Variants in TEK observed in about 807,000 individuals in gnomAD.
TEK encodes the protein angiopoietin-1 receptor.
In TEK, 43 loss-of-function variants were observed where a neutral mutation model predicts 131.8. The ratio of observed to expected loss-of-function variants is 0.33; its 90% CI spans 0.26 to 0.42. TEK has a LOEUF of 0.42. TEK is among the 10% of genes least tolerant of loss of function. TEK has a pLI of 1.00. For synonymous variants in TEK, 580 were observed against 491.6 expected (o/e 1.18, Z -2.38); for missense variants, 1,162 against 1,384.4 (o/e 0.84, Z 2.55).
At chr9:27,120,994 T>C (rs1195947241) in intron 1 of TEK, among the ~76,000 whole-genome samples, 1 of 152,234 alleles carries the variant, frequency 6.6e-6, no homozygotes, top group African/African-American at 2.4e-5. Flanking sequence ...AGTACCTGAC[T>C]TGATGTACTA....
intron 1 of TEK, among the ~76,000 whole-genome samples, chr9:27,123,043 A>C (rs1365437434): frequency 9.3e-6 from 1 of 107,704 alleles, no homozygotes; most frequent in Non-Finnish European, 1.7e-5. Flanking sequence ...ACAGAGCGAG[A>C]CTCTGTCTCA....
intron 1 of TEK, among the ~76,000 whole-genome samples, chr9:27,155,603 T>A (rs2131114964): frequency 6.6e-6 from 1 of 152,358 alleles, no homozygotes; most frequent in South Asian, 2.1e-4. Context: ...ATATGAGGAC[T>A]TTATATCAGG....
At chr9:27,167,107 G>C (rs907323971) in intron 2 of TEK, among the ~76,000 whole-genome samples, 1 of 152,186 alleles carries the variant, frequency 6.6e-6, no homozygotes, top group East Asian at 1.9e-4. Flanking sequence ...AGAAACTCTT[G>C]TTGCTGGAAG....
chr9:27,122,316 G>GTT (rs1821823931), intron 1 of TEK, among the ~76,000 whole-genome samples: 1 of 152,134 alleles, frequency 6.6e-6, no homozygotes, highest in Non-Finnish European at 1.5e-5. Context: ...AGAAAACAGG[G>GTT]ATCTCACCAG....
intron 1 of TEK, among the ~76,000 whole-genome samples, chr9:27,157,475 A>G (rs1336209588): frequency 1.3e-5 from 2 of 152,218 alleles, no homozygotes; most frequent in African/African-American, 4.8e-5. Context: ...TTGATAACTA[A>G]TAGTTAAATG....
chr9:27,206,579 C>T lies in TEK; in HGVS notation c.2365-3C>T. The T allele has an allele frequency of 6.2e-7, 1 of 1,613,006 alleles. No individual in the cohort carries two copies. The highest frequency in any genetic ancestry group is 1.1e-5 in the South Asian group (1 of 90,856). ...CAAAATGATGAAATAATTATTTTTCCAGAGGGAAGAACCAGCTGTGCAGTT... is the reference window on the plus strand; with the variant it reads ...CAAAATGATGAAATAATTATTTTTCTAGAGGGAAGAACCAGCTGTGCAGTT... On this transcript the variant is annotated splice_polypyrimidine_tract_variant and splice_region_variant and intron_variant, in intron 14 of 22. Transcript: ENST00000380036.
At chr9:27,193,335 T>C (rs1470122821) in intron 11 of TEK, among the ~76,000 whole-genome samples, 1 of 152,164 alleles carries the variant, frequency 6.6e-6, no homozygotes, top group African/African-American at 2.4e-5. Context: ...TCGGATTCAA[T>C]GGTTTTGAGG....
chr9:27,117,299 C>A (rs1821610586), intron 1 of TEK, among the ~76,000 whole-genome samples: 1 of 152,210 alleles, frequency 6.6e-6, no homozygotes, highest in African/African-American at 2.4e-5. Flanking sequence ...CAAACCAGAG[C>A]TGGAAGAGAG....
At chr9:27,200,422 G>A (rs1219240876) in intron 12 of TEK, among the ~76,000 whole-genome samples, 2 of 152,098 alleles carry the variant, frequency 1.3e-5, no homozygotes, top group African/African-American at 4.8e-5. Flanking sequence ...AATAGTCACT[G>A]GGAGTCGACT....
intron 11 of TEK, among the ~76,000 whole-genome samples, chr9:27,193,349 G>A (rs1030295042): frequency 1.3e-5 from 2 of 152,164 alleles, no homozygotes; most frequent in African/African-American, 4.8e-5. Context: ...TTTGAGGTGA[G>A]GATGGGGCCG....
At position 27,158,033 on chromosome 9, in the gene TEK, A is replaced by G; in HGVS notation, c.255A>G (p.Lys85=). 6.2e-7 allele frequency: 1 copy of G among 1,614,164 alleles called. No homozygotes were observed. Among genetic ancestry groups the G allele is most frequent in the Non-Finnish European group, 8.5e-7 (1 of 1,180,018 alleles). ...ATGTGACCAGAGAATGGGCTAAAAA[A>G]GTTGTTTGGAAGAGAGAAAAGGCTA... ...TQDVTREWAK[K]VVWKREKASK... is the part of the protein sequence containing the mutation. The change falls in exon 2 of 23, where the codon AAA becomes AAG. Residue 85 remains lysine (K), a synonymous_variant. Transcript: ENST00000380036.
intron 2 of TEK, among the ~76,000 whole-genome samples, chr9:27,165,998 C>T (rs560296228): frequency 2.6e-4 from 39 of 152,342 alleles, no homozygotes; most frequent in African/African-American, 7.2e-4. Context: ...CAGCCAGTGG[C>T]GCGCACAGCG....
chr9:27,206,486 T>C (rs1302916989), intron 14 of TEK, 96 bp from the exon 15 acceptor site: 1 of 1,315,068 alleles, frequency 7.6e-7, no homozygotes, highest in Non-Finnish European at 1.1e-6. Context: ...ACAGTATTTC[T>C]TTTTTCATCT....
intron 14 of TEK, 119 bp downstream of exon 14, chr9:27,205,184 C>G (rs1825359702): frequency 7.9e-7 from 1 of 1,265,378 alleles, no homozygotes; most frequent in East Asian, 2.5e-5. Flanking sequence ...TTAGGCAAGC[C>G]TCATCTTCTC....
At chr9:27,183,272 C>G (rs1039948607) in intron 7 of TEK, among the ~76,000 whole-genome samples, 187 bp from the exon 8 acceptor site, 6 of 152,130 alleles carry the variant, frequency 3.9e-5, no homozygotes, top group African/African-American at 1.4e-4. Flanking sequence ...GCCTCTGTCT[C>G]CTCATCCATA....
chr9:27,196,111 G>T (rs1426910153), intron 11 of TEK, among the ~76,000 whole-genome samples: 1 of 152,208 alleles, frequency 6.6e-6, no homozygotes, highest in East Asian at 1.9e-4. Flanking sequence ...AACAGAAACG[G>T]TAAATACTCT....
chr9:27,157,941 A>G lies in TEK; in HGVS notation c.163A>G (p.Ile55Val). The change falls in exon 2 of 23, where the codon ATC becomes GTC. Residue 55 changes from isoleucine (I) to valine (V), a missense_variant. Coordinates refer to ENST00000380036, the MANE Select transcript of TEK (RefSeq NM_000459.5). The part of the protein sequence containing the change: ...IASGWRPHEP[I>V]TIGRDFEALM... ...CTCTGGGTGGCGCCCCCATGAGCCCATCACCATAGGAAGGGACTTTGAAGC... is the reference window on the plus strand; with the variant it reads ...CTCTGGGTGGCGCCCCCATGAGCCCGTCACCATAGGAAGGGACTTTGAAGC... 3 of 1,614,088 alleles carry G rather than the reference A, an allele frequency of 1.9e-6. No individual in the cohort carries two copies. Among genetic ancestry groups the G allele is most frequent in the Non-Finnish European group, 2.5e-6 (3 of 1,180,002 alleles).
chr9:27,137,085 T>G (rs1264021627), intron 1 of TEK, among the ~76,000 whole-genome samples: 1 of 152,068 alleles, frequency 6.6e-6, no homozygotes, highest in Non-Finnish European at 1.5e-5. Context: ...CTGGCTAATT[T>G]TTTTGTATTT....
intron 16 of TEK, among the ~76,000 whole-genome samples, chr9:27,212,009 G>A (rs544553063): frequency 0.018 from 2,029 of 115,568 alleles, 49 homozygotes; most frequent in African/African-American, 0.066. Context: ...AAAAAAGAGA[G>A]AGAGAAATGA....
Sources: allele counts gnomAD v4.1 joint callset (sites outside exome capture counted in the v4.1 genomes callset), GRCh38; gene constraint gnomAD v4.1.1; transcripts MANE v1.5; gene names NCBI Gene and HGNC (gene_info 2026-07-23, HGNC 2026-07-21).